The following KIAA0753 variants were observed in gnomAD, a reference collection of about 807,000 sequenced individuals.
The protein encoded by KIAA0753 is KIAA0753, also known as protein moonraker.
A neutral mutation model predicts 116.9 loss-of-function variants in KIAA0753; 114 were observed. The observed-to-expected ratio is 0.98, with a 90% CI of 0.84 to 1.14. KIAA0753 has a LOEUF of 1.14. Among genes scored for constraint, KIAA0753 ranks in the 50% most tolerant of loss-of-function variants. The pLI is 0.00. For missense variants in KIAA0753, 1,156 were observed against 1,172.4 expected, an observed-to-expected ratio of 0.99 and a Z score of 0.20; for synonymous variants, 405 against 413.1, an observed-to-expected ratio of 0.98 and a Z score of 0.24.
Position 6,624,873 on chromosome 17 carries a change from AAT to A in KIAA0753, c.719-14_719-13del. The stretch of plus-strand genomic sequence containing the variant: ...TTCTTCTAGTCTATCTGAAAATATT[AAT>A]AGTTTTCCCCAAAAGTGGATTATAA... On this transcript the variant is annotated splice_polypyrimidine_tract_variant and intron_variant, in intron 3 of 18. Transcript: ENST00000361413. 1 of 1,519,790 alleles carries A rather than the reference AAT, an allele frequency of 6.6e-7. No homozygotes were observed. The highest frequency in any genetic ancestry group is 2.4e-5 in the East Asian group (1 of 41,020). The allele number at this position is 1,519,790 out of a possible 1,614,324, so 94.1% of individuals were successfully genotyped here. A position where few individuals can be genotyped will look rare whatever the true frequency, so the allele number is the denominator to read the frequency against.
intron 3 of KIAA0753, among the ~76,000 whole-genome samples, chr17:6,627,062 T>C (rs2150903639): frequency 6.6e-6 from 1 of 152,330 alleles, no homozygotes; most frequent in East Asian, 1.9e-4. Context: ...AACACACTCT[T>C]TAAGAAGACC....
intron 12 of KIAA0753, among the ~76,000 whole-genome samples, chr17:6,603,508 G>A (rs1400616079): frequency 6.6e-6 from 1 of 152,190 alleles, no homozygotes; most frequent in Non-Finnish European, 1.5e-5. Context: ...TTTTGCTTCT[G>A]AAGAGGCTGA....
At chr17:6,588,085 G>A (rs1175065628) in intron 18 of KIAA0753, among the ~76,000 whole-genome samples, 1 of 152,010 alleles carries the variant, frequency 6.6e-6, no homozygotes, top group Non-Finnish European at 1.5e-5. Context: ...TGAGGAGACT[G>A]GCTGAAAATT....
At chr17:6,602,081 A>G (rs1013639447) in intron 12 of KIAA0753, among the ~76,000 whole-genome samples, 1 of 152,238 alleles carries the variant, frequency 6.6e-6, no homozygotes. Flanking sequence ...ATACCACCAC[A>G]TTCTCACCAG....
chr17:6,619,747 AAAAAAAG>A (rs1971177968), intron 7 of KIAA0753, among the ~76,000 whole-genome samples: 1 of 152,124 alleles, frequency 6.6e-6, no homozygotes, highest in Admixed American at 6.5e-5. Flanking sequence ...ACTTTAATTT[AAAAAAAG>A]AAAAAAGAAA....
At chr17:6,584,220 T>G (rs1968405421) in intron 18 of KIAA0753, among the ~76,000 whole-genome samples, 1 of 152,152 alleles carries the variant, frequency 6.6e-6, no homozygotes, top group South Asian at 2.1e-4. Flanking sequence ...CCCTACAAAC[T>G]GACTATCCAG....
At chr17:6,580,464 G>A (rs377740574) in intron 18 of KIAA0753, among the ~76,000 whole-genome samples, 59 of 149,990 alleles carry the variant, frequency 3.9e-4, no homozygotes, top group East Asian at 3.2e-3. Context: ...ACAGGAGCCC[G>A]CCACCACGCC....
chr17:6,579,712 C>T lies in KIAA0753; in HGVS notation c.*35G>A. ...ACAAAGGGTGGTGCCATCCCTTCTC[C>T]AGTGTGACACAAATGGCCTCGCCTC... On this transcript the variant is annotated 3_prime_UTR_variant, in exon 19 of 19. Coordinates refer to ENST00000361413, the MANE Select transcript of KIAA0753 (RefSeq NM_014804.3). The T allele has an allele frequency of 1.4e-6, 2 of 1,429,126 alleles. No individual in the cohort carries two copies. Among genetic ancestry groups the T allele is most frequent in the Non-Finnish European group, 2.0e-6 (2 of 1,013,714 alleles). The allele number at this position is 1,429,126 out of a possible 1,614,324, so 88.5% of individuals were successfully genotyped here. A position where few individuals can be genotyped will look rare whatever the true frequency, so the allele number is the denominator to read the frequency against.
chr17:6,580,807 C>T (rs1246667674), intron 18 of KIAA0753, among the ~76,000 whole-genome samples: 1 of 152,010 alleles, frequency 6.6e-6, no homozygotes, highest in African/African-American at 2.4e-5. Context: ...CCACCTCTAA[C>T]AGCTGCCTGA....
chr17:6,622,116 C>G (rs1338720845), intron 6 of KIAA0753, among the ~76,000 whole-genome samples: 1 of 152,122 alleles, frequency 6.6e-6, no homozygotes, highest in Admixed American at 6.5e-5. Flanking sequence ...ATAAAGATCA[C>G]CTTTCTATTT....
In KIAA0753 at chr17:6,578,889, C is replaced by T. The variant is rs900392110; in HGVS notation, c.*858G>A. The T allele has an allele frequency of 1.3e-5, 2 of 151,870 alleles. No individual in the cohort carries two copies. Among genetic ancestry groups the T allele is most frequent in the Admixed American group, 6.6e-5 (1 of 15,198 alleles). 9.4% of individuals were successfully genotyped at this position (151,870 alleles called of 1,614,324 possible). Reference sequence around the variant, plus strand: ...TTCTCTGGGGAGACACAGAGGTCTTCGCGCCATCCATCTGTTCCCTACTCC... The same window carrying T: ...TTCTCTGGGGAGACACAGAGGTCTTTGCGCCATCCATCTGTTCCCTACTCC... On this transcript the variant is annotated 3_prime_UTR_variant, in exon 19 of 19. Coordinates refer to ENST00000361413, the MANE Select transcript of KIAA0753 (RefSeq NM_014804.3).
At chr17:6,618,519 G>T (rs1407143283) in intron 7 of KIAA0753, among the ~76,000 whole-genome samples, 1 of 152,178 alleles carries the variant, frequency 6.6e-6, no homozygotes, top group African/African-American at 2.4e-5. Context: ...GATAGTGTCA[G>T]AATTGAGTTG....
At chr17:6,615,606 C>A (rs1970855468) in intron 7 of KIAA0753, among the ~76,000 whole-genome samples, 1 of 109,346 alleles carries the variant, frequency 9.1e-6, no homozygotes. Flanking sequence ...CAGAGCGAGA[C>A]TCCGTCTCAA....
intron 2 of KIAA0753, among the ~76,000 whole-genome samples, chr17:6,629,211 T>C (rs753259974): frequency 7.9e-5 from 12 of 152,250 alleles, no homozygotes; most frequent in Admixed American, 4.6e-4. Flanking sequence ...ATCCATCTTT[T>C]ACCCTGCCCC....
rs575292695 is a variant in KIAA0753 at position 6,579,610 on chromosome 17, C to T, written c.*137G>A. The T allele has an allele frequency of 6.4e-5, 43 of 671,276 alleles. No individual in the cohort carries two copies. The highest frequency in any genetic ancestry group is 1.1e-4 in the Non-Finnish European group (41 of 374,660). 41.6% of individuals were successfully genotyped at this position (671,276 alleles called of 1,614,324 possible). A position where few individuals can be genotyped will look rare whatever the true frequency, so the allele number is the denominator to read the frequency against. ...TGCAAAGTGAGGATGACCTCCCCGGCACTGCCTTCCTTTCAGTGGGCAGCA... is the reference window on the plus strand; with the variant it reads ...TGCAAAGTGAGGATGACCTCCCCGGTACTGCCTTCCTTTCAGTGGGCAGCA... On this transcript the variant is annotated 3_prime_UTR_variant, in exon 19 of 19. Transcript: ENST00000361413.
chr17:6,604,695 G>A (rs971254076), intron 12 of KIAA0753, among the ~76,000 whole-genome samples: 3 of 151,928 alleles, frequency 2.0e-5, no homozygotes, highest in African/African-American at 7.2e-5. Flanking sequence ...CTCCTTGGGG[G>A]TGGGAAGGTT....
chr17:6,625,242 G>A (rs1043118811), intron 3 of KIAA0753, among the ~76,000 whole-genome samples: 1 of 152,144 alleles, frequency 6.6e-6, no homozygotes, highest in African/African-American at 2.4e-5. Flanking sequence ...TGTTTAGCAA[G>A]ATTAGTTTTA....
rs1033240684 is a variant in KIAA0753, at chr17:6,579,354, A to G, written c.*393T>C. On this transcript the variant is annotated 3_prime_UTR_variant, in exon 19 of 19. Transcript: ENST00000361413. ...AGTAGCCGCACTTGTGTTGGTATCA[A>G]TGCCAGCAAGGGTTCAACAGCAACC... 1.4e-4 allele frequency: 23 copies of G among 168,008 alleles called. No individual in the cohort carries two copies. Among genetic ancestry groups the G allele is most frequent in the Non-Finnish European group, 5.2e-5 (4 of 77,410 alleles). The allele number at this position is 168,008 out of a possible 1,614,324, so 10.4% of individuals were successfully genotyped here. A position where few individuals can be genotyped will look rare whatever the true frequency, so the allele number is the denominator to read the frequency against.
intron 16 of KIAA0753, among the ~76,000 whole-genome samples, chr17:6,592,144 G>A (rs919049930): frequency 6.6e-6 from 1 of 152,166 alleles, no homozygotes; most frequent in African/African-American, 2.4e-5. Context: ...GAGGATTGAG[G>A]GGAAGAGAGA....
Sources: allele counts gnomAD v4.1 joint callset (sites outside exome capture counted in the v4.1 genomes callset), GRCh38; gene constraint gnomAD v4.1.1; transcripts MANE v1.5; gene names NCBI Gene and HGNC (gene_info 2026-07-23, HGNC 2026-07-21).